The following CCDC171 variants were observed in gnomAD, a reference collection of about 807,000 sequenced individuals.
The protein encoded by CCDC171 is coiled-coil domain-containing protein 171.
A neutral mutation model predicts 168.2 loss-of-function variants in CCDC171; 177 were observed. That is an observed-to-expected ratio of 1.05 (90% CI 0.93 to 1.19). CCDC171 has a LOEUF of 1.19. CCDC171 is among the 50% of genes most tolerant of loss of function. The pLI is 0.00. For missense variants in CCDC171, 1,991 were observed against 1,539.0 expected (o/e 1.29, Z -4.91); for synonymous variants, 687 against 540.8 (o/e 1.27, Z -3.75).
In CCDC171 at chr9:15,744,384, C is replaced by G. The variant is rs772486231; in HGVS notation, c.2161C>G (p.Gln721Glu). ...SHFKKLLSQT[Q>E]REQMSLLAAC... ...CTTCAAAAAACTGTTATCACAGACT[C>G]AAAGGGAACAGATGTCCTTGCTGGC... The change falls in exon 17 of 26, where the codon CAA becomes GAA. Residue 721 changes from glutamine to glutamate, a missense_variant. Gln to Glu is a conservative substitution (Grantham distance 29). Coordinates refer to ENST00000380701, the MANE Select transcript of CCDC171 (RefSeq NM_173550.4). 1.2e-6 allele frequency: 2 copies of G among 1,614,190 alleles called. No individual in the cohort carries two copies. The highest frequency in any genetic ancestry group is 1.1e-5 in the South Asian group (1 of 91,082).
chr9:15,907,429 T>G (rs1214725395), intron 24 of CCDC171, among the ~76,000 whole-genome samples: 1 of 152,214 alleles, frequency 6.6e-6, no homozygotes, highest in African/African-American at 2.4e-5. Flanking sequence ...ATTTAATAAA[T>G]GGTGCTTGGA....
chr9:15,965,697 A>AAGAGGAGCTACTC (rs57983659), intron 25 of CCDC171, among the ~76,000 whole-genome samples: 127,156 of 152,036 alleles, frequency 0.84, 53,242 homozygotes, highest in East Asian at 0.96. Flanking sequence ...AGAAGGGAAG[A>AAGAGGAGCTACTC]TATGCTACAC....
Position 15,657,142 on chromosome 9 carries a change from G to T in CCDC171, c.838G>T (p.Val280Leu). Residue 280 changes from valine to leucine, a missense_variant, in exon 8 of 26, where the codon GTG (valine) becomes TTG (leucine). By Grantham distance (32) the Val-to-Leu change is conservative. Coordinates refer to ENST00000380701, the MANE Select transcript of CCDC171 (RefSeq NM_173550.4). ...TTGTTTTCAGGCAACTACTCTAAGA[G>T]TGAGGAAATTAGAAGAAAACATTGA... ...RKEFEATTLRVRKLEENIEAE... is the reference protein window; with the variant it reads ...RKEFEATTLRLRKLEENIEAE... 1 of 1,605,466 alleles carries T rather than the reference G, an allele frequency of 6.2e-7. No individual in the cohort carries two copies.
Position 15,920,259 on chromosome 9 carries a change from T to C in CCDC171, c.3601-11T>C. 1 of 1,536,472 alleles carries C rather than the reference T, an allele frequency of 6.5e-7. No homozygotes were observed. On this transcript the variant is annotated splice_polypyrimidine_tract_variant and intron_variant, in intron 24 of 25. Transcript: ENST00000380701. ...TTTGAATTATATGTGACATTATTTT[T>C]ATTTCTTAAGGCTATGATTAAAAGT...
chr9:15,850,511 C>G (rs552163934), intron 23 of CCDC171, among the ~76,000 whole-genome samples: 1 of 152,028 alleles, frequency 6.6e-6, no homozygotes, highest in African/African-American at 2.4e-5. Context: ...TGCTTTATGG[C>G]TTTTCCTCTC....
intron 6 of CCDC171, among the ~76,000 whole-genome samples, chr9:16,032,560 C>T (rs982839069): frequency 1.3e-4 from 20 of 152,140 alleles, no homozygotes; most frequent in East Asian, 1.9e-4. Context: ...ATCTGTACAG[C>T]GAAGTGGGGA....
chr9:15,884,706 C>G (rs1370789990), intron 24 of CCDC171, among the ~76,000 whole-genome samples: 2 of 152,142 alleles, frequency 1.3e-5, no homozygotes, highest in East Asian at 3.9e-4. Context: ...CCACTGTTCC[C>G]TCATCTGTAA....
At chr9:15,778,772 C>T (rs940511288) in intron 19 of CCDC171, among the ~76,000 whole-genome samples, 196 bp from the exon 20 acceptor site, 1 of 150,488 alleles carries the variant, frequency 6.6e-6, no homozygotes, top group African/African-American at 2.4e-5. Context: ...TAGATTATTT[C>T]TTTTCTCCAG....
At chr9:15,916,753 G>T (rs1014160024) in intron 24 of CCDC171, among the ~76,000 whole-genome samples, 1 of 151,972 alleles carries the variant, frequency 6.6e-6, no homozygotes, top group Admixed American at 6.6e-5. Context: ...ATGGATAGAT[G>T]TGGAATTTTA....
chr9:15,591,236 G>C lies in CCDC171; in HGVS notation c.353-130G>C, dbSNP rs2041986946. 5 of 580,550 alleles carry C rather than the reference G, an allele frequency of 8.6e-6. No individual in the cohort carries two copies. In the South Asian group the frequency reaches 9.6e-5, roughly 11 times the overall value. The allele number at this position is 580,550 out of a possible 1,614,324, so 36.0% of individuals were successfully genotyped here. A position where few individuals can be genotyped will look rare whatever the true frequency, so the allele number is the denominator to read the frequency against. The stretch of plus-strand genomic sequence containing the variant: ...ATGGAAAGGTTTTCAAGAGTTTACT[G>C]TAATGGAAAGGTTAAATGTTTTATC... On this transcript the variant is annotated intron_variant, in intron 4 of 25. Transcript: ENST00000380701.
At chr9:15,667,565 G>A (rs1156720370) in intron 9 of CCDC171, among the ~76,000 whole-genome samples, 3 of 152,118 alleles carry the variant, frequency 2.0e-5, no homozygotes, top group Non-Finnish European at 4.4e-5. Flanking sequence ...AGAATCACCT[G>A]AACCCGGGAG....
At chr9:16,040,460 C>T (rs750986234), upstream of CCDC171, among the ~76,000 whole-genome samples, 2 of 152,170 alleles carry the variant, frequency 1.3e-5, no homozygotes, top group Admixed American at 6.5e-5. Flanking sequence ...GACGGCCCAC[C>T]GCAGAGAGAA....
At chr9:16,035,222 G>T (rs1250064174) in intron 6 of CCDC171, among the ~76,000 whole-genome samples, 1 of 152,082 alleles carries the variant, frequency 6.6e-6, no homozygotes, top group Non-Finnish European at 1.5e-5. Context: ...AAAACAAAAA[G>T]AACATACTAA....
chr9:16,094,257 C>A, the CCDC171 span, among the ~76,000 whole-genome samples: 1 of 152,080 alleles, frequency 6.6e-6, no homozygotes, highest in Admixed American at 6.5e-5. Context: ...TTAGGAGGTG[C>A]CTATGTGAAA....
At chr9:15,951,287 A>G (rs1011540549) in intron 25 of CCDC171, among the ~76,000 whole-genome samples, 2 of 150,892 alleles carry the variant, frequency 1.3e-5, no homozygotes, top group African/African-American at 4.8e-5. Context: ...ATAGACATCT[A>G]CAGAACTCTC....
intron 21 of CCDC171, among the ~76,000 whole-genome samples, chr9:15,842,375 C>T (rs975323470): frequency 6.6e-6 from 1 of 152,010 alleles, no homozygotes; most frequent in Non-Finnish European, 1.5e-5. Flanking sequence ...AAGAGATATG[C>T]ATACCCTTTA....
intron 6 of CCDC171, among the ~76,000 whole-genome samples, chr9:15,617,135 A>ATG (rs1455492550): frequency 6.6e-6 from 1 of 152,194 alleles, no homozygotes; most frequent in Non-Finnish European, 1.5e-5. Context: ...GTGTTAGAAC[A>ATG]TGCTCCTTTA....
chr9:15,560,094 G>C lies in CCDC171; in HGVS notation c.-111-3884G>C, dbSNP rs189186847. 4.6e-5 allele frequency among the ~76,000 whole-genome samples: 7 copies of C among 152,288 alleles called. No homozygotes were observed. In the East Asian group the frequency reaches 7.7e-4, roughly 17 times the overall value. On this transcript the variant is annotated intron_variant, in intron 1 of 25. Coordinates refer to ENST00000380701, the MANE Select transcript of CCDC171 (RefSeq NM_173550.4). ...TTCTGGCTTGTAGAGTTTCTGCTGA[G>C]AGATCCGCTGTTAGTCTGATGGGCT...
chr9:15,653,189 G>T (rs754850406), intron 7 of CCDC171, among the ~76,000 whole-genome samples: 21 of 152,122 alleles, frequency 1.4e-4, no homozygotes, highest in African/African-American at 5.1e-4. Flanking sequence ...GCCTAGGTTG[G>T]AGTGCAGTAG....
Sources: allele counts gnomAD v4.1 joint callset (sites outside exome capture counted in the v4.1 genomes callset), GRCh38; gene constraint gnomAD v4.1.1; transcripts MANE v1.5; gene names NCBI Gene and HGNC (gene_info 2026-07-23, HGNC 2026-07-21).